SRP9: variants seen among roughly 807,000 people sequenced by gnomAD.
SRP9 encodes the protein signal recognition particle 9 kDa protein.
SRP9 carries 2 observed loss-of-function variants against 11.7 expected under a neutral mutation model. That is an observed-to-expected ratio of 0.17 (90% CI 0.07 to 0.54). The LOEUF is 0.54. Among genes scored for constraint, SRP9 ranks in the 20% least tolerant of loss-of-function variants. The pLI, the probability that SRP9 is intolerant of heterozygous loss-of-function variation, is 0.94. For synonymous variants in SRP9, 27 were observed against 35.6 expected (o/e 0.76, Z 0.86); for missense variants, 54 against 108.1 (o/e 0.50, Z 2.22).
intron 2 of SRP9, 144 bp from the exon 3 acceptor site, chr1:225,789,096 G>A (rs1382281183): frequency 1.3e-6 from 2 of 1,551,278 alleles, no homozygotes; most frequent in Non-Finnish European, 1.7e-6. Flanking sequence ...AAACTTGAGT[G>A]CAATTTCCCT....
intron 2 of SRP9, among the ~76,000 whole-genome samples, chr1:225,784,228 T>C (rs1325014803): frequency 2.1e-5 from 2 of 94,572 alleles, no homozygotes; most frequent in African/African-American, 4.0e-5. Context: ...TATCACCTGT[T>C]CTTTTTTTTT....
chr1:225,787,747 CAG>C (rs781692460), intron 2 of SRP9, among the ~76,000 whole-genome samples: 2 of 152,160 alleles, frequency 1.3e-5, no homozygotes, highest in Non-Finnish European at 2.9e-5. Flanking sequence ...CTTTTTCTGT[CAG>C]AAATTTCAGT....
intron 1 of SRP9, among the ~76,000 whole-genome samples, chr1:225,782,994 C>T (rs947982514): frequency 5.3e-5 from 8 of 152,226 alleles, no homozygotes; most frequent in African/African-American, 1.9e-4. Flanking sequence ...AGAAATGCCA[C>T]CTTATAAGTC....
chr1:225,785,520 A>C (rs970805418), intron 2 of SRP9, among the ~76,000 whole-genome samples: 4 of 151,860 alleles, frequency 2.6e-5, no homozygotes, highest in Non-Finnish European at 4.4e-5. Context: ...AGCTGGGACT[A>C]CAGGCGCCCG....
At chr1:225,781,213 T>C (rs954393391) in intron 1 of SRP9, among the ~76,000 whole-genome samples, 10 of 152,180 alleles carry the variant, frequency 6.6e-5, no homozygotes, top group African/African-American at 1.4e-4. Flanking sequence ...TTTCTCTCTT[T>C]AGCATTTTAT....
chr1:225,783,965 C>G (rs552925939), intron 2 of SRP9, among the ~76,000 whole-genome samples: 1 of 151,264 alleles, frequency 6.6e-6, no homozygotes, highest in East Asian at 1.9e-4. Flanking sequence ...CCTTACTATT[C>G]TGTGTTTCTG....
At chr1:225,778,545 C>T (rs190991718) in intron 1 of SRP9, among the ~76,000 whole-genome samples, 21 of 152,320 alleles carry the variant, frequency 1.4e-4, no homozygotes, top group Admixed American at 8.5e-4. Flanking sequence ...CACCTTTCCT[C>T]AGAAAAATGG....
chr1:225,778,141 G>C, intron 1 of SRP9, 129 bp downstream of exon 1: 1 of 1,015,116 alleles, frequency 9.9e-7, no homozygotes, highest in Admixed American at 2.5e-5. Flanking sequence ...ACCCTGCCAA[G>C]TTAATGTTCT....
At chr1:225,778,506 A>G (rs1450214985) in intron 1 of SRP9, among the ~76,000 whole-genome samples, 2 of 152,276 alleles carry the variant, frequency 1.3e-5, no homozygotes, top group African/African-American at 4.8e-5. Context: ...TGGGAGTCAC[A>G]GGCTTTGGGA....
chr1:225,790,456 G>T lies in SRP9; in HGVS notation c.*1097G>T, dbSNP rs1003880984. The T allele has an allele frequency of 1.3e-5, 2 of 152,164 alleles. No homozygotes were observed. Among genetic ancestry groups the T allele is most frequent in the Non-Finnish European group, 2.9e-5 (2 of 68,038 alleles). 9.4% of individuals were successfully genotyped at this position (152,164 alleles called of 1,614,324 possible). A position where few individuals can be genotyped will look rare whatever the true frequency, so the allele number is the denominator to read the frequency against. On this transcript the variant is annotated 3_prime_UTR_variant, in exon 3 of 3. Coordinates refer to ENST00000304786, the MANE Select transcript of SRP9 (RefSeq NM_003133.6). The stretch of plus-strand genomic sequence containing the variant: ...AGAGAGATCAGTAAATAAAATATTA[G>T]ATAAAATATATATTGTTTGTGTTGA...
chr1:225,779,026 A>G (rs1665742789), intron 1 of SRP9, among the ~76,000 whole-genome samples: 1 of 152,092 alleles, frequency 6.6e-6, no homozygotes, highest in Non-Finnish European at 1.5e-5. Context: ...AGGAGCTGGT[A>G]TTATTGGAGG....
chr1:225,789,226 A>G lies in SRP9; in HGVS notation c.142-14A>G, dbSNP rs1452600120. 1.2e-6 allele frequency: 2 copies of G among 1,608,918 alleles called. No homozygotes were observed. Among genetic ancestry groups the G allele is most frequent in the South Asian group, 2.2e-5 (2 of 90,204 alleles). Reference sequence around the variant, plus strand: ...TTTTATATAGTTAATATGTACTTCTAAAATTTCTGACAGTGTTTGGTGTAT... The same window carrying G: ...TTTTATATAGTTAATATGTACTTCTGAAATTTCTGACAGTGTTTGGTGTAT... On this transcript the variant is annotated splice_polypyrimidine_tract_variant and intron_variant, in intron 2 of 2. Transcript: ENST00000304786.
At chr1:225,786,832 G>A (rs980299637) in intron 2 of SRP9, 1 of 1,263,724 alleles carries the variant, frequency 7.9e-7, no homozygotes, top group South Asian at 1.3e-5. Flanking sequence ...TTTGTTGATT[G>A]GTTGGTTGAT....
chr1:225,781,787 A>G (rs1665805919), intron 1 of SRP9, among the ~76,000 whole-genome samples: 1 of 152,306 alleles, frequency 6.6e-6, no homozygotes, highest in East Asian at 1.9e-4. Context: ...TGTCATGCTT[A>G]GTATATTTTT....
At chr1:225,781,420 A>T (rs1665798016) in intron 1 of SRP9, among the ~76,000 whole-genome samples, 1 of 73,388 alleles carries the variant, frequency 1.4e-5, no homozygotes, top group Non-Finnish European at 2.7e-5. Flanking sequence ...TTTTTTTGAG[A>T]CAGAGTTTTG....
intron 2 of SRP9, among the ~76,000 whole-genome samples, chr1:225,785,926 T>C (rs1214073169): frequency 1.3e-5 from 2 of 152,348 alleles, no homozygotes; most frequent in East Asian, 3.9e-4. Context: ...CCTCAAGCGA[T>C]CCACCCACCT....
chr1:225,780,891 C>T (rs1312515151), intron 1 of SRP9, among the ~76,000 whole-genome samples: 3 of 152,166 alleles, frequency 2.0e-5, no homozygotes, highest in African/African-American at 4.8e-5. Flanking sequence ...TTTTTAGTTC[C>T]TTAACACTCT....
chr1:225,789,206 T>C (rs373334091), intron 2 of SRP9, 34 bp from the exon 3 acceptor site: 9 of 1,596,048 alleles, frequency 5.6e-6, no homozygotes, highest in Non-Finnish European at 6.8e-6. Context: ...TCTAGTTTTA[T>C]ATAGTTAATA....
At chr1:225,778,046 C>T (rs772167551) in intron 1 of SRP9, 34 bp downstream of exon 1, 1 of 1,612,290 alleles carries the variant, frequency 6.2e-7, no homozygotes, top group East Asian at 2.2e-5. Flanking sequence ...CTTTGGGCCC[C>T]AGCCCAGGAT....
Sources: allele counts gnomAD v4.1 joint callset (sites outside exome capture counted in the v4.1 genomes callset), GRCh38; gene constraint gnomAD v4.1.1; transcripts MANE v1.5; gene names NCBI Gene and HGNC (gene_info 2026-07-23, HGNC 2026-07-21).